The following TUT4 variants were observed in gnomAD, a reference collection of about 807,000 sequenced individuals.
The protein encoded by TUT4 is terminal uridylyl transferase 4, also known as terminal uridylyltransferase 4.
Under a neutral mutation model 192.2 loss-of-function variants are expected in TUT4, and 36 were observed. That is an observed-to-expected ratio of 0.19 (90% CI 0.14 to 0.25). The LOEUF is 0.25. Among genes scored for constraint, TUT4 ranks in the 10% least tolerant of loss-of-function variants. The pLI is 1.00. For missense variants in TUT4, 1,493 were observed against 1,957.2 expected (o/e 0.76, Z 4.47); for synonymous variants, 618 against 666.0 (o/e 0.93, Z 1.11).
At chr1:52,536,120 T>G (rs980837988) in intron 1 of TUT4, among the ~76,000 whole-genome samples, 2 of 152,240 alleles carry the variant, frequency 1.3e-5, no homozygotes, top group African/African-American at 4.8e-5. Flanking sequence ...GTAATTTTGG[T>G]AACTCTTGGG....
chr1:52,493,645 A>G lies in TUT4; in HGVS notation c.1284T>C (p.Leu428=), dbSNP rs184904874. Residue 428 remains leucine (L), a synonymous_variant, in exon 7 of 30, where the codon CTT becomes CTC. Transcript: ENST00000257177. ...KFPPKMNHPD[L]LIKVLGILKK... is the part of the protein sequence containing the mutation. ...TTAAAATCCCAAGTACTTTTATCAGAAGATCTGGATGATTCATCTAAAAAA... is the reference window on the plus strand; with the variant it reads ...TTAAAATCCCAAGTACTTTTATCAGGAGATCTGGATGATTCATCTAAAAAA... 13 of 1,507,234 alleles carry G rather than the reference A, an allele frequency of 8.6e-6. No individual in the cohort carries two copies. The African/African-American group carries it at 1.4e-4, about 16-fold the overall frequency. The allele number at this position is 1,507,234 out of a possible 1,614,324, so 93.4% of individuals were successfully genotyped here.
intron 3 of TUT4, among the ~76,000 whole-genome samples, chr1:52,511,370 A>G (rs1212329803): frequency 1.3e-5 from 2 of 152,184 alleles, no homozygotes; most frequent in African/African-American, 4.8e-5. Context: ...CTACTTCTTT[A>G]CTCATCAAAT....
In TUT4 at chr1:52,458,292, T is replaced by C. The variant is rs74948251; in HGVS notation, c.3435+44A>G. 1,117 of 1,461,710 alleles carry C rather than the reference T, an allele frequency of 7.6e-4. 8 individuals carry two copies. The African/African-American group carries it at 0.014, about 18-fold the overall frequency. The allele number at this position is 1,461,710 out of a possible 1,614,324, so 90.5% of individuals were successfully genotyped here. A position where few individuals can be genotyped will look rare whatever the true frequency, so the allele number is the denominator to read the frequency against. On this transcript the variant is annotated intron_variant, in intron 20 of 29. Coordinates refer to ENST00000257177, the MANE Select transcript of TUT4 (RefSeq NM_001009881.3). ...GCAAAATCTCCTGTGTTTAGATCTATTGTTTTCAAAAAAAACTCCTTTATA... is the reference window on the plus strand; with the variant it reads ...GCAAAATCTCCTGTGTTTAGATCTACTGTTTTCAAAAAAAACTCCTTTATA...
intron 20 of TUT4, among the ~76,000 whole-genome samples, chr1:52,456,569 A>G (rs572244869): frequency 6.6e-6 from 1 of 151,842 alleles, no homozygotes; most frequent in African/African-American, 2.4e-5. Flanking sequence ...AACACATATC[A>G]CTGAGTGATG....
chr1:52,478,393 C>T (rs1286288659), intron 11 of TUT4, among the ~76,000 whole-genome samples: 2 of 152,224 alleles, frequency 1.3e-5, no homozygotes, highest in Admixed American at 6.5e-5. Context: ...TTCTTTAGAA[C>T]CTCCTATGTC....
At chr1:52,469,035 G>C (rs1055609960) in intron 14 of TUT4, among the ~76,000 whole-genome samples, 19 of 125,366 alleles carry the variant, frequency 1.5e-4, no homozygotes, top group African/African-American at 8.4e-4. Context: ...CAGAAGAAGG[G>C]GAGTTAAATA....
chr1:52,526,085 C>G lies in TUT4; in HGVS notation c.196G>C (p.Glu66Gln), dbSNP rs368469802. Residue 66 changes from glutamate to glutamine, a missense_variant, in exon 2 of 30, where the codon GAA (glutamate) becomes CAA (glutamine). Transcript: ENST00000257177. ...KKNKQNDICI[E>Q]KTEVKSCKVN... ...TTACATGATTTAACTTCTGTTTTTT[C>G]TATACAAATATCATTTTGCTTATTT... is the stretch of plus-strand genomic sequence containing the variant. 38 of 1,609,838 alleles carry G rather than the reference C, an allele frequency of 2.4e-5. No individual in the cohort carries two copies. Among genetic ancestry groups the G allele is most frequent in the Non-Finnish European group, 3.2e-5 (38 of 1,178,958 alleles).
chr1:52,462,887 TAAACATCAATCCCA>T, intron 16 of TUT4: 1 of 985,338 alleles, frequency 1.0e-6, no homozygotes, highest in Non-Finnish European at 1.2e-6. Context: ...CTGAAGGGTA[TAAACATCAATCCCA>T]AGAGTTATAA....
chr1:52,430,211 A>G (rs959302296), intron 28 of TUT4, among the ~76,000 whole-genome samples: 6 of 152,200 alleles, frequency 3.9e-5, no homozygotes, highest in Non-Finnish European at 8.8e-5. Flanking sequence ...TGTCTAGGGC[A>G]TGCAGCAGCA....
intron 12 of TUT4, among the ~76,000 whole-genome samples, chr1:52,476,205 A>G (rs1667035953): frequency 6.6e-6 from 1 of 152,194 alleles, no homozygotes; most frequent in South Asian, 2.1e-4. Flanking sequence ...AACAAACTTA[A>G]AACTCTCAAG....
chr1:52,453,011 G>C (rs1015324986), intron 20 of TUT4, among the ~76,000 whole-genome samples: 1 of 152,110 alleles, frequency 6.6e-6, no homozygotes. Flanking sequence ...TTGCTTGCTT[G>C]GTATATGGGG....
chr1:52,531,885 C>CT (rs1158088077), intron 1 of TUT4, among the ~76,000 whole-genome samples: 1,858 of 80,828 alleles, frequency 0.023, 408 homozygotes, highest in African/African-American at 0.041. Flanking sequence ...CTTTTCTCAT[C>CT]TTTTTTTTTT....
At chr1:52,546,006 G>A (rs965859191) in intron 1 of TUT4, among the ~76,000 whole-genome samples, 9 of 149,898 alleles carry the variant, frequency 6.0e-5, no homozygotes, top group Admixed American at 1.3e-4. Flanking sequence ...AGGTGTGGTC[G>A]CAAGCGCCCA....
In TUT4 at chr1:52,423,282, CTT is replaced by C. The variant is rs1210344011; in HGVS notation, c.*651_*652del. On this transcript the variant is annotated 3_prime_UTR_variant, in exon 30 of 30. Transcript: ENST00000257177. Reference sequence around the variant, plus strand: ...TACAACAGATTAACCAAATTTAACTCTTGTCAAAAAGATTTATTAACTTAAAA... The same window carrying C: ...TACAACAGATTAACCAAATTTAACTCGTCAAAAAGATTTATTAACTTAAAA... The C allele has an allele frequency of 1.3e-5, 2 of 152,706 alleles. No homozygotes were observed. The highest frequency in any genetic ancestry group is 2.4e-5 in the African/African-American group (1 of 41,418). 9.5% of individuals were successfully genotyped at this position (152,706 alleles called of 1,614,324 possible).
chr1:52,520,871 C>A (rs555604038), intron 2 of TUT4, among the ~76,000 whole-genome samples: 3 of 152,140 alleles, frequency 2.0e-5, no homozygotes, highest in Non-Finnish European at 2.9e-5. Flanking sequence ...CAGCTCACTG[C>A]AACCTCCGCC....
chr1:52,505,972 C>T (rs1456357839), intron 4 of TUT4, among the ~76,000 whole-genome samples: 1 of 151,864 alleles, frequency 6.6e-6, no homozygotes, highest in Non-Finnish European at 1.5e-5. Flanking sequence ...GCATGAGCCA[C>T]GATGCCCAGC....
rs780737519 is a variant in TUT4, at chr1:52,540,336, G to A, written c.-94+12595C>T. Among the ~76,000 whole-genome samples, 34 of 151,736 alleles carry A rather than the reference G, an allele frequency of 2.2e-4. 1 individual carries two copies. Among genetic ancestry groups the A allele is most frequent in the Admixed American group, 3.9e-4 (6 of 15,236 alleles). On this transcript the variant is annotated intron_variant, in intron 1 of 29. Coordinates refer to ENST00000257177, the MANE Select transcript of TUT4 (RefSeq NM_001009881.3). ...TCAAGACCAGCCTGGGCAACACAGC[G>A]AAACCCCATCTCTACTAAAAAGACA...
Position 52,431,404 on chromosome 1 carries a change from C to A in TUT4, c.4320G>T (p.Gln1440His), listed in dbSNP as rs1253962352. The A allele has an allele frequency of 6.2e-7, 1 of 1,613,864 alleles. No homozygotes were observed. The highest frequency in any genetic ancestry group is 2.2e-5 in the East Asian group (1 of 44,872). ...ATGAAGGCTGAGTAATAGCAGCTGA[C>A]TGGGAAGAGTTCTGTGGAAATGGCT... The part of the protein sequence containing the change: ...QPQPFPQNSS[Q>H]SAAITQPSSQ... The change falls in exon 28 of 30, where the codon CAG (glutamine) becomes CAT (histidine). Residue 1440 changes from glutamine to histidine, a missense_variant. Gln to His is a conservative substitution (Grantham distance 24). Around this residue, in one of 7 missense-constraint regions of TUT4, gnomAD observed 351 missense variants for 397.8 expected, o/e 0.88. Coordinates refer to ENST00000257177, the MANE Select transcript of TUT4 (RefSeq NM_001009881.3).
intron 1 of TUT4, among the ~76,000 whole-genome samples, chr1:52,529,156 G>T (rs1682659869): frequency 3.3e-5 from 5 of 151,322 alleles, no homozygotes; most frequent in Admixed American, 3.3e-4. Flanking sequence ...ACTAGATATG[G>T]TGTCAGTTGG....
Sources: allele counts gnomAD v4.1 joint callset (sites outside exome capture counted in the v4.1 genomes callset), GRCh38; gene constraint gnomAD v4.1.1; regional missense constraint gnomAD v4.1.1; transcripts MANE v1.5; gene names NCBI Gene and HGNC (gene_info 2026-07-23, HGNC 2026-07-21).